LDLRAD4: variants seen among roughly 807,000 people sequenced by gnomAD.
LDLRAD4 encodes low density lipoprotein receptor class A domain containing 4, also known as low-density lipoprotein receptor class A domain-containing protein 4.
Under a neutral mutation model 17.0 loss-of-function variants are expected in LDLRAD4, and 5 were observed. The observed-to-expected ratio is 0.29, with a 90% CI of 0.15 to 0.62. The LOEUF is 0.62. Among genes scored for constraint, LDLRAD4 ranks in the 20% least tolerant of loss-of-function variants. The pLI, the probability that LDLRAD4 is intolerant of heterozygous loss-of-function variation, is 0.84. For synonymous variants in LDLRAD4, 168 were observed against 171.8 expected, an observed-to-expected ratio of 0.98 and a Z score of 0.17; for missense variants, 340 against 424.7, an observed-to-expected ratio of 0.80 and a Z score of 1.75.
chr18:13,328,737 C>A (rs1432596696), intron 1 of LDLRAD4, among the ~76,000 whole-genome samples: 1 of 152,146 alleles, frequency 6.6e-6, no homozygotes, highest in African/African-American at 2.4e-5. Flanking sequence ...TTTAGTCAAG[C>A]AGCTCAAAAA....
chr18:13,445,005 A>G (rs1568163337), intron 3 of LDLRAD4, among the ~76,000 whole-genome samples: 2 of 152,220 alleles, frequency 1.3e-5, no homozygotes, highest in African/African-American at 4.8e-5. Flanking sequence ...ATAAACACCC[A>G]AACCAACCAA....
At chr18:13,616,654 G>A (rs2040111185) in intron 3 of LDLRAD4, among the ~76,000 whole-genome samples, 1 of 152,208 alleles carries the variant, frequency 6.6e-6, no homozygotes, top group African/African-American at 2.4e-5. Context: ...AGCTGCTGCA[G>A]TGAGATGACC....
intron 2 of LDLRAD4, among the ~76,000 whole-genome samples, chr18:13,434,904 C>T (rs1406061979): frequency 6.6e-6 from 1 of 152,216 alleles, no homozygotes; most frequent in African/African-American, 2.4e-5. Flanking sequence ...TCTGCGCTGC[C>T]CATTGGAGCC....
intron 4 of LDLRAD4, among the ~76,000 whole-genome samples, chr18:13,632,327 C>G (rs569939922): frequency 2.6e-5 from 4 of 152,340 alleles, no homozygotes; most frequent in Non-Finnish European, 2.9e-5. Context: ...GCAAGCCAGG[C>G]ACAGAATGGT....
chr18:13,645,224 A>C lies in LDLRAD4; in HGVS notation c.488A>C (p.Gln163Pro). Reference sequence around the variant, plus strand: ...TTCCAGCCCACCTACCCCTATGTGCAGCACGAGATTGATCTTCCTCCCACC... The same window carrying C: ...TTCCAGCCCACCTACCCCTATGTGCCGCACGAGATTGATCTTCCTCCCACC... The change falls in exon 6 of 6, where the codon CAG becomes CCG. Residue 163 changes from glutamine to proline, a missense_variant. Gln to Pro is a moderately conservative substitution (Grantham distance 76, BLOSUM62 -1). Transcript: ENST00000359446. The surrounding 1 kb of genome is among the most constrained non-coding windows in gnomAD (Gnocchi z 5.7). 6.2e-7 allele frequency: 1 copy of C among 1,614,124 alleles called. No individual in the cohort carries two copies. The highest frequency in any genetic ancestry group is 8.5e-7 in the Non-Finnish European group (1 of 1,180,006).
intron 2 of LDLRAD4, among the ~76,000 whole-genome samples, chr18:13,411,136 C>T (rs1429439462): frequency 6.6e-6 from 1 of 151,884 alleles, no homozygotes; most frequent in Non-Finnish European, 1.5e-5. Context: ...CCTGTATTCC[C>T]AGCTACTTGG....
intron 2 of LDLRAD4, among the ~76,000 whole-genome samples, chr18:13,390,014 G>T (rs1192618759): frequency 6.6e-6 from 1 of 152,112 alleles, no homozygotes; most frequent in African/African-American, 2.4e-5. Flanking sequence ...ATGAATAAAA[G>T]CTTTCTATAT....
intron 2 of LDLRAD4, among the ~76,000 whole-genome samples, chr18:13,418,006 A>T (rs2089083929): frequency 6.6e-6 from 1 of 152,202 alleles, no homozygotes; most frequent in Admixed American, 6.5e-5. Context: ...AGGCTTCCCC[A>T]GCAACATGGC....
intron 1 of LDLRAD4, among the ~76,000 whole-genome samples, chr18:13,377,663 C>T (rs2085025007): frequency 6.6e-6 from 1 of 152,218 alleles, no homozygotes; most frequent in South Asian, 2.1e-4. Flanking sequence ...GGGACTTCCC[C>T]TACCTTTTGT....
At chr18:13,573,293 T>C (rs2094718755) in intron 3 of LDLRAD4, among the ~76,000 whole-genome samples, 1 of 151,638 alleles carries the variant, frequency 6.6e-6, no homozygotes, top group African/African-American at 2.4e-5. Flanking sequence ...TTAGTAGAGA[T>C]GAAGTTTTGC....
chr18:13,400,541 G>A (rs972453976), intron 2 of LDLRAD4, among the ~76,000 whole-genome samples: 1 of 152,178 alleles, frequency 6.6e-6, no homozygotes, highest in African/African-American at 2.4e-5. Context: ...GAGCAGCCCT[G>A]ACTCTTAGAA....
intron 2 of LDLRAD4, among the ~76,000 whole-genome samples, chr18:13,395,936 G>T (rs1349724781): frequency 6.6e-6 from 1 of 152,028 alleles, no homozygotes; most frequent in Non-Finnish European, 1.5e-5. Flanking sequence ...GCTGATAATC[G>T]CCTCTCTTCC....
intron 3 of LDLRAD4, among the ~76,000 whole-genome samples, chr18:13,547,883 G>T (rs77941626): frequency 0.011 from 1,690 of 152,290 alleles, 38 homozygotes; most frequent in African/African-American, 0.039. Flanking sequence ...AAGCAGGAGG[G>T]TGTGTTTCAG....
intron 2 of LDLRAD4, among the ~76,000 whole-genome samples, chr18:13,403,282 C>T (rs1437319480): frequency 6.6e-6 from 1 of 152,040 alleles, no homozygotes; most frequent in African/African-American, 2.4e-5. Flanking sequence ...AGTGTTTTAT[C>T]AAAAATGAGT....
intron 1 of LDLRAD4, among the ~76,000 whole-genome samples, chr18:13,283,016 A>G (rs2045378646): frequency 6.6e-6 from 1 of 152,178 alleles, no homozygotes; most frequent in African/African-American, 2.4e-5. Context: ...CCTGAACTGT[A>G]TGTTGGCCCC....
At chr18:13,510,775 C>A (rs1190123163) in intron 3 of LDLRAD4, among the ~76,000 whole-genome samples, 1 of 152,166 alleles carries the variant, frequency 6.6e-6, no homozygotes, top group African/African-American at 2.4e-5. Flanking sequence ...CCAGCCAGGG[C>A]TGGTGATGGA....
intron 4 of LDLRAD4, among the ~76,000 whole-genome samples, chr18:13,628,927 C>T (rs1263814300): frequency 6.6e-6 from 1 of 152,146 alleles, no homozygotes; most frequent in Non-Finnish European, 1.5e-5. Context: ...AACATTTAGG[C>T]TCAACTGATC....
chr18:13,237,176 C>T (rs1222712652), intron 1 of LDLRAD4, among the ~76,000 whole-genome samples: 1 of 152,188 alleles, frequency 6.6e-6, no homozygotes, highest in Non-Finnish European at 1.5e-5. Context: ...GAGTCCTGCT[C>T]CCTCATCTTG....
chr18:13,627,641 C>G (rs962163935), intron 4 of LDLRAD4, among the ~76,000 whole-genome samples: 2 of 152,248 alleles, frequency 1.3e-5, no homozygotes, highest in Non-Finnish European at 2.9e-5. Flanking sequence ...AGACACGTGT[C>G]TGGGTCAACA....
Sources: allele counts gnomAD v4.1 joint callset (sites outside exome capture counted in the v4.1 genomes callset), GRCh38; gene constraint gnomAD v4.1.1; non-coding constraint Gnocchi (gnomAD v3.1); transcripts MANE v1.5; gene names NCBI Gene and HGNC (gene_info 2026-07-23, HGNC 2026-07-21).